Variants in ZNF592 observed in about 807,000 individuals in gnomAD.
ZNF592 encodes spinocerebellar ataxia, autosomal recessive 5.
ZNF592 carries 11 observed loss-of-function variants against 80.3 expected under a neutral mutation model. The ratio of observed to expected loss-of-function variants is 0.14; its 90% CI spans 0.09 to 0.23. The LOEUF (loss-of-function observed/expected upper bound fraction) is 0.23, where lower values mean the gene tolerates loss of function less well. ZNF592 is among the 10% of genes least tolerant of loss of function. The pLI, the probability that ZNF592 is intolerant of heterozygous loss-of-function variation, is 1.00. For missense variants in ZNF592, 1,420 were observed against 1,633.9 expected (o/e 0.87, Z 2.26); for synonymous variants, 646 against 640.3 (o/e 1.01, Z -0.13).
At position 84,799,543 on chromosome 15, in the gene ZNF592, G is replaced by C. The variant is rs1963031944; in HGVS notation, c.3138-299G>C. On this transcript the variant is annotated intron_variant, in intron 9 of 10. Transcript: ENST00000560079. The surrounding 1 kb of genome is among the most constrained non-coding windows in gnomAD (Gnocchi z 4.2). ...CTTCTGCACCATCTGCCTGTGCCTT[G>C]GGGTGGCCCCAGGCCCTTTCACTGT... Among the ~76,000 whole-genome samples, 1 of 152,222 alleles carries C rather than the reference G, an allele frequency of 6.6e-6. No homozygotes were observed. The highest frequency in any genetic ancestry group is 2.4e-5 in the African/African-American group (1 of 41,460).
intron 3 of ZNF592, among the ~76,000 whole-genome samples, chr15:84,779,407 T>C (rs1221090356): frequency 6.6e-6 from 1 of 152,236 alleles, no homozygotes; most frequent in Non-Finnish European, 1.5e-5. Context: ...TATTGATTGC[T>C]GCTGTTTTTG....
chr15:84,798,676 T>G lies in ZNF592; in HGVS notation c.2825T>G (p.Val942Gly). 1 of 1,613,668 alleles carries G rather than the reference T, an allele frequency of 6.2e-7. No homozygotes were observed. The highest frequency in any genetic ancestry group is 8.5e-7 in the Non-Finnish European group (1 of 1,180,000). Reference protein sequence around the residue: ...DTSSSRPGSRVPTEPPATSVA... With the variant: ...DTSSSRPGSRGPTEPPATSVA... ...TCCTCAAGCCGCCCTGGCTCTCGAG[T>G]TCCCACTGAGCCACCAGCCACTAGT... The change falls in exon 8 of 11, where the codon GTT becomes GGT. Residue 942 changes from valine (V) to glycine (G), a missense_variant. Physicochemically the swap from Val to Gly is moderately radical, Grantham distance 109. Transcript: ENST00000560079. This position sits in a 1 kb window ranked among gnomAD's most constrained non-coding sequence, Gnocchi z 4.5.
rs1962501676 is a variant in ZNF592 at position 84,783,928 on chromosome 15, C to T, written c.1253C>T (p.Pro418Leu). 1 of 1,613,978 alleles carries T rather than the reference C, an allele frequency of 6.2e-7. No individual in the cohort carries two copies. The highest frequency in any genetic ancestry group is 1.7e-5 in the Admixed American group (1 of 60,008). Residue 418 changes from proline (P) to leucine (L), a missense_variant, in exon 4 of 11, where the codon CCC (proline) becomes CTC (leucine). Transcript: ENST00000560079. This position sits in a 1 kb window ranked among gnomAD's most constrained non-coding sequence, Gnocchi z 5.0. ...CTAGGGAGCGCCATTGCAGAGGCCC[C>T]CAGCGAGATGCCAGGGGATGAGGTG... ...SPLGSAIAEA[P>L]SEMPGDEVPV... is the part of the protein sequence containing the mutation.
Position 84,784,815 on chromosome 15 carries a change from C to A in ZNF592, c.2140C>A (p.Leu714Ile), listed in dbSNP as rs1962543244. The A allele has an allele frequency of 2.5e-6, 4 of 1,614,122 alleles. No individual in the cohort carries two copies. In the East Asian group the frequency reaches 8.9e-5, roughly 36 times the overall value. Residue 714 changes from leucine (L) to isoleucine (I), a missense_variant, in exon 4 of 11, where the codon CTT (leucine) becomes ATT (isoleucine). Leu to Ile is a conservative substitution (Grantham distance 5). Transcript: ENST00000560079. This position sits in a 1 kb window ranked among gnomAD's most constrained non-coding sequence, Gnocchi z 5.8. ...VRLIRYSIKCLECHKQMRDYM... is the reference protein window; with the variant it reads ...VRLIRYSIKCIECHKQMRDYM... Reference sequence around the variant, plus strand: ...GCTCATCCGGTACTCAATCAAGTGTCTTGAATGTCACAAGCAGATGCGGGA... The same window carrying A: ...GCTCATCCGGTACTCAATCAAGTGTATTGAATGTCACAAGCAGATGCGGGA...
chr15:84,756,457 T>C (rs1426057029), intron 1 of ZNF592, among the ~76,000 whole-genome samples: 2 of 152,206 alleles, frequency 1.3e-5, no homozygotes, highest in African/African-American at 2.4e-5. Context: ...TAGGTGTCCA[T>C]TGTAACTGCA....
chr15:84,754,631 T>C (rs55633599), intron 1 of ZNF592: 8,183 of 138,918 alleles, frequency 0.059, 283 homozygotes, highest in African/African-American at 0.08. Context: ...ACTTTGGGAG[T>C]GCTGAGGTGG....
Position 84,748,672 on chromosome 15 carries a change from C to G in ZNF592, c.-259+8C>G, listed in dbSNP as rs1045340564. ...CGCCGCCGCCGCCGCCAGGTAAGCG[C>G]CCCCCGCGGGCCGGGCCGAGCGGGG... On this transcript the variant is annotated splice_region_variant and intron_variant, in intron 1 of 10. Transcript: ENST00000560079. The G allele has an allele frequency of 1.2e-4, 18 of 148,130 alleles. No homozygotes were observed. The highest frequency in any genetic ancestry group is 4.2e-4 in the African/African-American group (17 of 40,912). 9.2% of individuals were successfully genotyped at this position (148,130 alleles called of 1,614,324 possible). A position where few individuals can be genotyped will look rare whatever the true frequency, so the allele number is the denominator to read the frequency against.
At chr15:84,788,804 C>A (rs1962657598) in intron 4 of ZNF592, among the ~76,000 whole-genome samples, 1 of 152,206 alleles carries the variant, frequency 6.6e-6, no homozygotes, top group Non-Finnish European at 1.5e-5. Flanking sequence ...AGGAGTTTGA[C>A]TATTCTAGGT....
In ZNF592 at chr15:84,802,019, C is replaced by T. The variant is rs756114756; in HGVS notation, c.3430C>T (p.Pro1144Ser). The T allele has an allele frequency of 1.1e-5, 17 of 1,613,878 alleles. No homozygotes were observed. The African/African-American group carries it at 1.9e-4, about 18-fold the overall frequency. Residue 1144 changes from proline (P) to serine (S), a missense_variant, in exon 11 of 11, where the codon CCT becomes TCT. Physicochemically the swap from Pro to Ser is moderately conservative, Grantham distance 74 (BLOSUM62 -1). Coordinates refer to ENST00000560079, the MANE Select transcript of ZNF592 (RefSeq NM_014630.3). ...DSGLEFQSHI[P>S]QHQVDSSTAQ... ...GGGGCTCGAGTTTCAGAGCCACATA[C>T]CTCAGCACCAGGTGGACAGCTCCAC...
At chr15:84,756,742 T>TA (rs1230780795) in intron 1 of ZNF592, among the ~76,000 whole-genome samples, 4 of 152,314 alleles carry the variant, frequency 2.6e-5, no homozygotes, top group African/African-American at 9.6e-5. Context: ...ATTATATATA[T>TA]TTTTTAAGAG....
chr15:84,798,908 C>A lies in ZNF592; in HGVS notation c.3024+33C>A. The A allele has an allele frequency of 6.3e-7, 1 of 1,598,340 alleles. No individual in the cohort carries two copies. The highest frequency in any genetic ancestry group is 1.1e-5 in the South Asian group (1 of 90,878). On this transcript the variant is annotated intron_variant, in intron 8 of 10. Coordinates refer to ENST00000560079, the MANE Select transcript of ZNF592 (RefSeq NM_014630.3). This position sits in a 1 kb window ranked among gnomAD's most constrained non-coding sequence, Gnocchi z 4.5. ...CAGCCACACAGTCATAATGCAGAGC[C>A]CAGTCCTCTGGACTTCCTTCTGTGA...
intron 3 of ZNF592, among the ~76,000 whole-genome samples, chr15:84,778,921 A>G (rs961557786): frequency 6.6e-6 from 1 of 152,194 alleles, no homozygotes; most frequent in African/African-American, 2.4e-5. Flanking sequence ...AACCAAAATG[A>G]TACGGCTCTG....
intron 5 of ZNF592, among the ~76,000 whole-genome samples, chr15:84,795,967 A>T (rs903786077): frequency 3.3e-5 from 5 of 152,016 alleles, no homozygotes; most frequent in Admixed American, 2.6e-4. Context: ...CACGCCTGTA[A>T]TCCCAGCAAT....
In ZNF592 at chr15:84,748,683, C is replaced by CCGGGCCGAGCGGGGCCTG. The variant is rs1898918499; in HGVS notation, c.-259+27_-259+44dup. On this transcript the variant is annotated intron_variant, in intron 1 of 10. Coordinates refer to ENST00000560079, the MANE Select transcript of ZNF592 (RefSeq NM_014630.3). ...CCGCCAGGTAAGCGCCCCCCGCGGG[C>CCGGGCCGAGCGGGGCCTG]CGGGCCGAGCGGGGCCTGCGGGCCG... 1 of 147,970 alleles carries CCGGGCCGAGCGGGGCCTG rather than the reference C, an allele frequency of 6.8e-6. No individual in the cohort carries two copies. Among genetic ancestry groups the CCGGGCCGAGCGGGGCCTG allele is most frequent in the Non-Finnish European group, 1.5e-5 (1 of 66,234 alleles). The allele number at this position is 147,970 out of a possible 1,614,324, so 9.2% of individuals were successfully genotyped here.
At position 84,748,633 on chromosome 15, in the gene ZNF592, C is replaced by T. The variant is rs1488008993; in HGVS notation, c.-290C>T. 6.8e-6 allele frequency: 1 copy of T among 147,632 alleles called. No homozygotes were observed. Among genetic ancestry groups the T allele is most frequent in the Non-Finnish European group, 1.5e-5 (1 of 66,030 alleles). 9.1% of individuals were successfully genotyped at this position (147,632 alleles called of 1,614,324 possible). The stretch of plus-strand genomic sequence containing the variant: ...GCGCTGGGGACGCGCGCGGCCGAGA[C>T]TCTGGCCTGCAGTCGCCGCCGCCGC... On this transcript the variant is annotated 5_prime_UTR_variant, in exon 1 of 11. Coordinates refer to ENST00000560079, the MANE Select transcript of ZNF592 (RefSeq NM_014630.3).
chr15:84,770,383 A>G (rs764142529), intron 2 of ZNF592, among the ~76,000 whole-genome samples: 1 of 152,328 alleles, frequency 6.6e-6, no homozygotes, highest in African/African-American at 2.4e-5. Flanking sequence ...TCAGTAAACT[A>G]CAGTACAGGT....
At chr15:84,782,622 G>A (rs1962450104) in intron 3 of ZNF592, 35 bp from the exon 4 acceptor site, 4 of 1,602,412 alleles carry the variant, frequency 2.5e-6, no homozygotes, top group Non-Finnish European at 3.4e-6. Flanking sequence ...TGGGACCCTG[G>A]TGGTCACTGA....
chr15:84,779,860 C>G (rs958699706), intron 3 of ZNF592, among the ~76,000 whole-genome samples: 1 of 152,146 alleles, frequency 6.6e-6, no homozygotes, highest in African/African-American at 2.4e-5. Context: ...ATAGCAGGCT[C>G]CCAGCTAATC....
intron 3 of ZNF592, among the ~76,000 whole-genome samples, chr15:84,782,347 G>A (rs1054709901): frequency 6.6e-6 from 1 of 152,170 alleles, no homozygotes; most frequent in Non-Finnish European, 1.5e-5. Context: ...CTGAGAAGCT[G>A]AGGGAGTATG....
Sources: allele counts gnomAD v4.1 joint callset (sites outside exome capture counted in the v4.1 genomes callset), GRCh38; gene constraint gnomAD v4.1.1; non-coding constraint Gnocchi (gnomAD v3.1); transcripts MANE v1.5; gene names NCBI Gene and HGNC (gene_info 2026-07-23, HGNC 2026-07-21).